TAOK3: variants seen among roughly 807,000 people sequenced by gnomAD.
The protein encoded by TAOK3 is serine/threonine-protein kinase TAO3.
In TAOK3, 40 loss-of-function variants were observed where a neutral mutation model predicts 120.4. That is an observed-to-expected ratio of 0.33 (90% confidence interval 0.26 to 0.43). TAOK3 has a LOEUF of 0.43. Ranked by LOEUF, TAOK3 falls within the 20% of genes least tolerant of loss-of-function variation. The pLI is 1.00. For synonymous variants in TAOK3, 355 were observed against 387.5 expected, an observed-to-expected ratio of 0.92 and a Z score of 0.99; for missense variants, 821 against 1,112.1, an observed-to-expected ratio of 0.74 and a Z score of 3.72.
chr12:118,185,835 G>A (rs1351798736), intron 14 of TAOK3, among the ~76,000 whole-genome samples: 1 of 152,200 alleles, frequency 6.6e-6, no homozygotes, highest in African/African-American at 2.4e-5. Context: ...GGTTGGGCAT[G>A]TAGATTGGAC....
chr12:118,183,010 G>C (rs1227583817), intron 14 of TAOK3, among the ~76,000 whole-genome samples: 1 of 151,232 alleles, frequency 6.6e-6, no homozygotes, highest in African/African-American at 2.4e-5. Context: ...TTATTTTCCT[G>C]ATCACTTCCT....
At chr12:118,332,812 T>G (rs1329483676) in intron 1 of TAOK3, among the ~76,000 whole-genome samples, 1 of 152,164 alleles carries the variant, frequency 6.6e-6, no homozygotes, top group African/African-American at 2.4e-5. Context: ...CCTTATCTCT[T>G]AAAAATATAG....
intron 1 of TAOK3, among the ~76,000 whole-genome samples, chr12:118,291,043 A>G (rs1371602103): frequency 6.6e-6 from 1 of 151,056 alleles, no homozygotes; most frequent in Non-Finnish European, 1.5e-5. Flanking sequence ...TTTAGTAGAG[A>G]TGGGGTTTTG....
intron 1 of TAOK3, among the ~76,000 whole-genome samples, chr12:118,286,569 A>C (rs540926428): frequency 6.6e-6 from 1 of 152,070 alleles, no homozygotes; most frequent in South Asian, 2.1e-4. Flanking sequence ...AAAAAAAAAA[A>C]CAGATGTTAG....
intron 1 of TAOK3, among the ~76,000 whole-genome samples, chr12:118,361,681 ACTCCTGAC>A (rs2045604047): frequency 6.6e-6 from 1 of 150,558 alleles, no homozygotes; most frequent in Non-Finnish European, 1.5e-5. Flanking sequence ...CTGGTCTTGA[ACTCCTGAC>A]CTCAAGTGAT....
intron 19 of TAOK3, 198 bp downstream of exon 19, chr12:118,159,948 T>C: frequency 1.7e-6 from 1 of 600,760 alleles, no homozygotes; most frequent in Non-Finnish European, 3.0e-6. Context: ...CTCCTTGAGT[T>C]CCATCTTATA....
intron 19 of TAOK3, among the ~76,000 whole-genome samples, chr12:118,154,097 A>G (rs1022658775): frequency 3.3e-5 from 5 of 152,204 alleles, no homozygotes; most frequent in African/African-American, 9.6e-5. Context: ...CTGGCTCCCA[A>G]TGAGGGTTGT....
At chr12:118,355,352 G>T (rs901559841) in intron 1 of TAOK3, among the ~76,000 whole-genome samples, 6 of 152,200 alleles carry the variant, frequency 3.9e-5, no homozygotes, top group African/African-American at 1.4e-4. Context: ...AACATTTTAA[G>T]AAATCAACAC....
chr12:118,163,960 C>T (rs2035400655), intron 17 of TAOK3, among the ~76,000 whole-genome samples: 2 of 151,944 alleles, frequency 1.3e-5, no homozygotes, highest in Non-Finnish European at 2.9e-5. Flanking sequence ...GATCTGCCCG[C>T]CTTGGCCTCT....
chr12:118,315,026 A>G (rs904781938), intron 1 of TAOK3, among the ~76,000 whole-genome samples: 9 of 151,762 alleles, frequency 5.9e-5, no homozygotes, highest in African/African-American at 1.5e-4. Context: ...CGCCTCCCAC[A>G]TACAAGCAAT....
intron 1 of TAOK3, chr12:118,295,185 T>TGC: frequency 8.0e-6 from 1 of 124,794 alleles, no homozygotes; most frequent in Non-Finnish European, 1.9e-5. Context: ...GGGTTACAGG[T>TGC]GTGCACCACC....
chr12:118,247,360 T>A (rs1216731450), intron 3 of TAOK3, among the ~76,000 whole-genome samples: 1 of 152,158 alleles, frequency 6.6e-6, no homozygotes, highest in Non-Finnish European at 1.5e-5. Flanking sequence ...CCTTGTCTCA[T>A]AATTATGTCT....
At chr12:118,231,926 AAAAAAAAG>A (rs1017491066) in intron 9 of TAOK3, among the ~76,000 whole-genome samples, 4 of 152,018 alleles carry the variant, frequency 2.6e-5, no homozygotes, top group African/African-American at 9.7e-5. Flanking sequence ...GTGTCTCAAA[AAAAAAAAG>A]AAAAAAAGAA....
chr12:118,311,989 A>T (rs1352162045), intron 1 of TAOK3, among the ~76,000 whole-genome samples: 2 of 152,228 alleles, frequency 1.3e-5, no homozygotes, highest in Non-Finnish European at 2.9e-5. Context: ...GCAATGGTGG[A>T]GACGTGGTAA....
At chr12:118,276,155 T>G (rs942906164) in intron 1 of TAOK3, among the ~76,000 whole-genome samples, 1 of 152,190 alleles carries the variant, frequency 6.6e-6, no homozygotes, top group Non-Finnish European at 1.5e-5. Context: ...GGAAATAGAT[T>G]GTGTAGAAGC....
rs796249303 is a variant in TAOK3 at position 118,213,621 on chromosome 12, TA to T, written c.737+395del. Among the ~76,000 whole-genome samples the T allele has an allele frequency of 7.4e-3, 1,087 of 147,740 alleles. 5 individuals are homozygous for T. Among genetic ancestry groups the T allele is most frequent in the African/African-American group, 0.021 (852 of 40,260 alleles). On this transcript the variant is annotated intron_variant, in intron 10 of 20. Coordinates refer to ENST00000392533, the MANE Select transcript of TAOK3 (RefSeq NM_016281.4). ...AACACATTTAAGTGTACATATAGTT[TA>T]AAAAAAAAAAAGACAACTGGAGAAA... is the stretch of plus-strand genomic sequence containing the variant.
intron 1 of TAOK3, among the ~76,000 whole-genome samples, chr12:118,281,368 A>T (rs2042094106): frequency 6.6e-6 from 1 of 152,206 alleles, no homozygotes; most frequent in Non-Finnish European, 1.5e-5. Context: ...TTTATGTGAC[A>T]CTGACCTCTT....
intron 1 of TAOK3, among the ~76,000 whole-genome samples, chr12:118,285,127 A>G (rs912918199): frequency 3.3e-5 from 5 of 151,954 alleles, no homozygotes; most frequent in African/African-American, 7.3e-5. Flanking sequence ...GAATTAATCT[A>G]TATATATCTA....
intron 12 of TAOK3, chr12:118,200,777 C>T (rs2037979530): frequency 6.6e-6 from 1 of 152,358 alleles, no homozygotes; most frequent in Non-Finnish European, 1.5e-5. Context: ...TTAAACTCCT[C>T]CTTATCTGTC....
Sources: allele counts gnomAD v4.1 joint callset (sites outside exome capture counted in the v4.1 genomes callset), GRCh38; gene constraint gnomAD v4.1.1; transcripts MANE v1.5; gene names NCBI Gene and HGNC (gene_info 2026-07-23, HGNC 2026-07-21).